Variants in LRRC1 observed in about 807,000 individuals in gnomAD.
LRRC1 encodes the protein leucine rich repeat containing 1, also known as leucine-rich repeat-containing protein 1.
Under a neutral mutation model 69.9 loss-of-function variants are expected in LRRC1, and 28 were observed. That is an observed-to-expected ratio of 0.40 (90% CI 0.30 to 0.55). LRRC1 has a LOEUF of 0.55. LRRC1 is among the 20% of genes least tolerant of loss of function. The pLI is 0.47. For missense variants in LRRC1, 498 were observed against 609.0 expected (o/e 0.82, Z 1.92); for synonymous variants, 236 against 240.2 (o/e 0.98, Z 0.16).
intron 2 of LRRC1, among the ~76,000 whole-genome samples, chr6:53,846,776 C>T (rs961959704): frequency 9.9e-5 from 15 of 152,174 alleles, no homozygotes; most frequent in African/African-American, 3.6e-4. Context: ...TGGTGAAATG[C>T]GTATGCTTCA....
chr6:53,819,769 A>G (rs1387167812), intron 1 of LRRC1, among the ~76,000 whole-genome samples: 2 of 152,162 alleles, frequency 1.3e-5, no homozygotes, highest in East Asian at 3.8e-4. Context: ...GAGATACCAC[A>G]TTTCACCAAA....
chr6:53,814,136 A>T (rs1451322360), intron 1 of LRRC1, among the ~76,000 whole-genome samples: 1 of 152,182 alleles, frequency 6.6e-6, no homozygotes, highest in Non-Finnish European at 1.5e-5. Flanking sequence ...CATCTTTCAT[A>T]GGATTCAGCT....
At position 53,920,617 on chromosome 6, in the gene LRRC1, C is replaced by T. The variant is rs2127443410; in HGVS notation, c.1280-8C>T. The T allele has an allele frequency of 6.2e-7, 1 of 1,614,128 alleles. No homozygotes were observed. The highest frequency in any genetic ancestry group is 8.5e-7 in the Non-Finnish European group (1 of 1,179,998). ...AATTCCCTGCTTATGTGGTCTTTGT[C>T]ACTGCAGAGAATCTGCCTCGCTGTG... is the stretch of plus-strand genomic sequence containing the variant. On this transcript the variant is annotated splice_region_variant and splice_polypyrimidine_tract_variant and intron_variant, in intron 12 of 13. Coordinates refer to ENST00000370888, the MANE Select transcript of LRRC1 (RefSeq NM_018214.5).
At position 53,795,386 on chromosome 6, in the gene LRRC1, GACGC is replaced by G; in HGVS notation, c.131_134del (p.Asp44AlafsTer14). On this transcript the variant is annotated frameshift_variant, in exon 1 of 14. Coordinates refer to ENST00000370888, the MANE Select transcript of LRRC1 (RefSeq NM_018214.5). LOFTEE classifies it high-confidence loss of function. ...CCGGAGCCTGGAGGAGCTGCTGCTGGACGCCAACCAGCTCCGCGAGCTGCCCGAG... is the reference window on the plus strand; with the variant it reads ...CCGGAGCCTGGAGGAGCTGCTGCTGGCAACCAGCTCCGCGAGCTGCCCGAG... 6.2e-7 allele frequency: 1 copy of G among 1,613,364 alleles called. No homozygotes were observed. The highest frequency in any genetic ancestry group is 8.5e-7 in the Non-Finnish European group (1 of 1,179,982).
intron 10 of LRRC1, among the ~76,000 whole-genome samples, chr6:53,907,824 G>T (rs1455258724): frequency 6.6e-6 from 1 of 150,844 alleles, no homozygotes; most frequent in Non-Finnish European, 1.5e-5. Context: ...ACTCTCAAAA[G>T]AATGCTTTTC....
chr6:53,803,588 A>ATGTGTG lies in LRRC1; in HGVS notation c.159+8185_159+8190dup, dbSNP rs150574296. Among the ~76,000 whole-genome samples, 285 of 150,340 alleles carry ATGTGTG rather than the reference A, an allele frequency of 1.9e-3. 2 individuals carry two copies. The East Asian group carries it at 0.04, about 21-fold the overall frequency. On this transcript the variant is annotated intron_variant, in intron 1 of 13. Transcript: ENST00000370888. The stretch of plus-strand genomic sequence containing the variant: ...AAGATCTAATAGAGTGTGTGTGTGT[A>ATGTGTG]TGTGTGTGTGTGTGTGTAGTGTAAA...
chr6:53,859,190 A>G (rs548559823), intron 2 of LRRC1, among the ~76,000 whole-genome samples: 1 of 152,328 alleles, frequency 6.6e-6, no homozygotes, highest in African/African-American at 2.4e-5. Flanking sequence ...GAAGGTCAGC[A>G]CAGAGAAAGG....
intron 1 of LRRC1, among the ~76,000 whole-genome samples, chr6:53,817,347 G>A (rs923338439): frequency 6.6e-6 from 1 of 152,026 alleles, no homozygotes; most frequent in African/African-American, 2.4e-5. Context: ...TATTTGTGGG[G>A]TACAAAGTGA....
intron 1 of LRRC1, among the ~76,000 whole-genome samples, chr6:53,833,936 A>G (rs1206460762): frequency 6.6e-6 from 1 of 152,176 alleles, no homozygotes; most frequent in Non-Finnish European, 1.5e-5. Context: ...GATTCTCTGG[A>G]ATTCCATTCT....
At chr6:53,887,596 CCAGGTGTG>C (rs1397209880) in intron 4 of LRRC1, among the ~76,000 whole-genome samples, 1 of 151,850 alleles carries the variant, frequency 6.6e-6, no homozygotes, top group Non-Finnish European at 1.5e-5. Context: ...AGTGATCTGC[CCAGGTGTG>C]CATTGCTGGT....
intron 2 of LRRC1, among the ~76,000 whole-genome samples, chr6:53,858,314 A>G (rs940220162): frequency 2.0e-5 from 3 of 152,042 alleles, no homozygotes; most frequent in Non-Finnish European, 4.4e-5. Flanking sequence ...GAAAAAGTCA[A>G]TGGAGGCAAG....
chr6:53,886,335 A>G (rs1283188739), intron 4 of LRRC1, among the ~76,000 whole-genome samples: 2 of 152,226 alleles, frequency 1.3e-5, no homozygotes, highest in Non-Finnish European at 2.9e-5. Flanking sequence ...AGTATCAAAC[A>G]TTGACATAAA....
chr6:53,875,251 C>T (rs1767027053), intron 2 of LRRC1, among the ~76,000 whole-genome samples: 2 of 152,056 alleles, frequency 1.3e-5, no homozygotes, highest in African/African-American at 4.8e-5. Context: ...TTTGAAACAA[C>T]CTAAATGCCC....
At chr6:53,795,510 G>C in intron 1 of LRRC1, 95 bp downstream of exon 1, 1 of 1,301,950 alleles carries the variant, frequency 7.7e-7, no homozygotes, top group Non-Finnish European at 1.0e-6. Context: ...TCCGGGTCCG[G>C]CGTGAAGGAA....
rs867508315 is a variant in LRRC1, at chr6:53,916,978, C to T, written c.1107-2520C>T. On this transcript the variant is annotated intron_variant, in intron 11 of 13. Transcript: ENST00000370888. Reference sequence around the variant, plus strand: ...ACCACAAGTTTTTTATTTCTGGGGGCATGTGGTCCTAAATAGAACACAGAG... The same window carrying T: ...ACCACAAGTTTTTTATTTCTGGGGGTATGTGGTCCTAAATAGAACACAGAG... 3.3e-5 allele frequency among the ~76,000 whole-genome samples: 5 copies of T among 152,116 alleles called. No homozygotes were observed. The South Asian group carries it at 8.3e-4, about 25-fold the overall frequency.
Position 53,795,340 on chromosome 6 carries a change from C to T in LRRC1, c.84C>T (p.Pro28=). 2 of 1,613,746 alleles carry T rather than the reference C, an allele frequency of 1.2e-6. No homozygotes were observed. Among genetic ancestry groups the T allele is most frequent in the African/African-American group, 1.3e-5 (1 of 75,010 alleles). The change falls in exon 1 of 14, where the codon CCC becomes CCT. Residue 28 remains proline, a synonymous_variant. Transcript: ENST00000370888. ...GCCACTGCTCGCTGGTCTACGTCCC[C>T]GAGGAGATCTACCGCTATGCCCGGA... ...DKRHCSLVYV[P]EEIYRYARSL...
At position 53,896,872 on chromosome 6, in the gene LRRC1, A is replaced by G. The variant is rs561082646; in HGVS notation, c.547A>G (p.Asn183Asp). 2.5e-6 allele frequency: 4 copies of G among 1,602,436 alleles called. No homozygotes were observed. Among genetic ancestry groups the G allele is most frequent in the East Asian group, 4.5e-5 (2 of 44,798 alleles). Residue 183 changes from asparagine (N) to aspartate (D), a missense_variant, in exon 6 of 14, where the codon AAC (asparagine) becomes GAC (aspartate). Around this residue, in one of 3 missense-constraint regions of LRRC1, gnomAD observed 266 missense variants for 383.9 expected, o/e 0.69. Coordinates refer to ENST00000370888, the MANE Select transcript of LRRC1 (RefSeq NM_018214.5). Reference protein sequence around the residue: ...LRRLEELDLGNNEIYNLPESI... With the variant: ...LRRLEELDLGDNEIYNLPESI... Reference sequence around the variant, plus strand: ...AAGACTAGAAGAACTTGATTTAGGAAACAATGAAATATATAATTTGGTAAG... The same window carrying G: ...AAGACTAGAAGAACTTGATTTAGGAGACAATGAAATATATAATTTGGTAAG...
chr6:53,884,186 T>C (rs905815662), intron 4 of LRRC1: 6 of 581,920 alleles, frequency 1.0e-5, no homozygotes, highest in Non-Finnish European at 1.8e-5. Flanking sequence ...ACTTTTGCTG[T>C]ATCAAGTGTC....
At chr6:53,894,971 G>A (rs549557495) in intron 4 of LRRC1, among the ~76,000 whole-genome samples, 7 of 148,734 alleles carry the variant, frequency 4.7e-5, no homozygotes, top group East Asian at 2.0e-4. Flanking sequence ...TCGCTCTGTC[G>A]CCCAGGCGTG....
Sources: gnomAD v4.1 joint callset for allele counts (sites outside exome capture counted in the v4.1 genomes callset) on GRCh38, gnomAD v4.1.1 for gene constraint, gnomAD v4.1.1 regional missense constraint, MANE v1.5 for transcripts, NCBI Gene and HGNC (gene_info 2026-07-23, HGNC 2026-07-21) for gene names.